BRWD3: variants seen among roughly 807,000 people sequenced by gnomAD.
The protein encoded by BRWD3 is bromodomain and WD repeat-containing protein 3.
BRWD3 carries 10 observed loss-of-function variants against 149.7 expected under a neutral mutation model. The ratio of observed to expected loss-of-function variants is 0.07; its 90% CI spans 0.04 to 0.11. The LOEUF (loss-of-function observed/expected upper bound fraction) is 0.11. Ranked by LOEUF, BRWD3 falls within the 10% of genes least tolerant of loss-of-function variation. The pLI is 1.00. For missense variants in BRWD3, 940 were observed against 1,373.2 expected (o/e 0.68, Z 4.99); for synonymous variants, 504 against 456.7 (o/e 1.10, Z -1.32).
At position 80,673,505 on chromosome X, in the gene BRWD3, A is replaced by G. The variant is rs2072339367; in HGVS notation, c.*3104T>C. 9.0e-6 allele frequency: 1 copy of G among 111,449 alleles called. No homozygotes were observed. Among genetic ancestry groups the G allele is most frequent in the Non-Finnish European group, 1.9e-5 (1 of 52,985 alleles). 9.2% of individuals were successfully genotyped at this position (111,449 alleles called of 1,213,427 possible). A position where few individuals can be genotyped will look rare whatever the true frequency, so the allele number is the denominator to read the frequency against. On this transcript the variant is annotated 3_prime_UTR_variant, in exon 41 of 41. Coordinates refer to ENST00000373275, the MANE Select transcript of BRWD3 (RefSeq NM_153252.5). ...TGTGTCAAGTTGGGGAAAAAACTTT[A>G]CACACATACAAGTGCACAAACACAC... is the stretch of plus-strand genomic sequence containing the variant.
intron 23 of BRWD3, 135 bp downstream of exon 23, chrX:80,704,542 GT>G: frequency 1.6e-6 from 1 of 637,058 alleles, no homozygotes; most frequent in Non-Finnish European, 2.3e-6. Context: ...ACATTTTGAA[GT>G]CAAACTACTT....
chrX:80,734,714 GA>G (rs368052420), intron 10 of BRWD3, among the ~76,000 whole-genome samples: 4,935 of 100,726 alleles, frequency 0.049, 119 homozygotes, highest in South Asian at 0.16. Context: ...TCAAAAAAAG[GA>G]AAAAAAAAAA....
chrX:80,749,264 T>C (rs1437491543), intron 6 of BRWD3, among the ~76,000 whole-genome samples: 1 of 111,508 alleles, frequency 9.0e-6, no homozygotes, highest in Admixed American at 9.5e-5. Context: ...ATGTTGAAAG[T>C]GAGGTATTGA....
chrX:80,762,815 G>T (rs2147814781), intron 6 of BRWD3, among the ~76,000 whole-genome samples: 1 of 111,336 alleles, frequency 9.0e-6, no homozygotes, highest in African/African-American at 3.3e-5. Context: ...AGAATTAAAT[G>T]AGGTGAATTT....
rs143816515 is a variant in BRWD3 at position 80,781,885 on chromosome X, T to C, written c.430+9969A>G. ...ATACAAAAAAAGGAAAGATATTCCA[T>C]ATTCATGAATTATAAGAATCATTAT... On this transcript the variant is annotated intron_variant, in intron 6 of 40. Transcript: ENST00000373275. 6.9e-4 allele frequency among the ~76,000 whole-genome samples: 77 copies of C among 112,011 alleles called. No homozygotes were observed. The East Asian group carries it at 0.02, about 30-fold the overall frequency.
At chrX:80,766,617 T>A (rs937302803) in intron 6 of BRWD3, among the ~76,000 whole-genome samples, 2 of 112,172 alleles carry the variant, frequency 1.8e-5, no homozygotes, top group Non-Finnish European at 3.8e-5. Flanking sequence ...CAGCCACTCT[T>A]AAAACACAAA....
chrX:80,779,749 G>T (rs908565869), intron 6 of BRWD3, among the ~76,000 whole-genome samples: 8 of 111,593 alleles, frequency 7.2e-5, no homozygotes, highest in African/African-American at 2.6e-4. Context: ...AATTACAAAG[G>T]TATAGAATTA....
intron 22 of BRWD3, among the ~76,000 whole-genome samples, chrX:80,705,203 T>C (rs1468364651): frequency 9.1e-6 from 1 of 109,824 alleles, no homozygotes; most frequent in Non-Finnish European, 1.9e-5. Flanking sequence ...GAGGCAGAGG[T>C]TGCAGTGAGC....
intron 6 of BRWD3, among the ~76,000 whole-genome samples, chrX:80,749,252 C>T (rs1364836938): frequency 1.8e-5 from 2 of 111,153 alleles, no homozygotes; most frequent in African/African-American, 3.3e-5. Flanking sequence ...ATAATCTGTC[C>T]GATGTTGAAA....
rs2147664671 is a variant in BRWD3 at position 80,674,747 on chromosome X, T to C, written c.*1862A>G. The C allele has an allele frequency of 8.9e-6, 1 of 111,753 alleles. No homozygotes were observed. The highest frequency in any genetic ancestry group is 3.2e-5 in the African/African-American group (1 of 30,871). 9.2% of individuals were successfully genotyped at this position (111,753 alleles called of 1,213,427 possible). On this transcript the variant is annotated 3_prime_UTR_variant, in exon 41 of 41. Transcript: ENST00000373275. ...GTCTAGTAACAGAAGTTAGTGCCAT[T>C]AACAATTCACAATACTTTCTCTTAA...
chrX:80,699,356 AAC>A (rs779038443), intron 25 of BRWD3, among the ~76,000 whole-genome samples: 1 of 111,908 alleles, frequency 8.9e-6, no homozygotes, highest in Admixed American at 9.5e-5. Context: ...ACCAAAATGA[AAC>A]ACACATAAAC....
intron 27 of BRWD3, among the ~76,000 whole-genome samples, chrX:80,693,481 T>C (rs2072639588): frequency 8.9e-6 from 1 of 112,049 alleles, no homozygotes; most frequent in African/African-American, 3.2e-5. Flanking sequence ...TGTAGGAAAG[T>C]CTGGAACTTC....
At chrX:80,755,857 C>T (rs2073730589) in intron 6 of BRWD3, among the ~76,000 whole-genome samples, 1 of 110,897 alleles carries the variant, frequency 9.0e-6, no homozygotes. Flanking sequence ...ATGTAAAATA[C>T]AAAATTATGT....
intron 5 of BRWD3, among the ~76,000 whole-genome samples, chrX:80,792,348 A>T (rs1408556798): frequency 8.9e-6 from 1 of 112,303 alleles, no homozygotes; most frequent in African/African-American, 3.2e-5. Flanking sequence ...GCCAGGGAAA[A>T]TTCAGGCATA....
chrX:80,734,989 T>C, intron 10 of BRWD3, 138 bp downstream of exon 10: 1 of 526,047 alleles, frequency 1.9e-6, no homozygotes, highest in Non-Finnish European at 3.2e-6. Flanking sequence ...AAAGAGTTTA[T>C]CTATCATAAC....
intron 8 of BRWD3, among the ~76,000 whole-genome samples, chrX:80,740,887 TA>T (rs1388847239): frequency 3.6e-5 from 4 of 111,118 alleles, no homozygotes; most frequent in African/African-American, 1.3e-4. Context: ...GGTATGCCAA[TA>T]TTCAAGTTAG....
intron 40 of BRWD3, among the ~76,000 whole-genome samples, chrX:80,678,039 G>A (rs972883423): frequency 2.7e-5 from 3 of 111,095 alleles, no homozygotes; most frequent in East Asian, 5.6e-4. Context: ...GAGTGCCAGT[G>A]GAGAGTTTTA....
At chrX:80,771,370 C>A (rs1178248411) in intron 6 of BRWD3, among the ~76,000 whole-genome samples, 1 of 111,606 alleles carries the variant, frequency 9.0e-6, no homozygotes, top group Non-Finnish European at 1.9e-5. Context: ...GCTACAATAA[C>A]CAGAACAGCA....
chrX:80,714,950 G>A (rs2073054109), intron 20 of BRWD3, among the ~76,000 whole-genome samples: 2 of 112,070 alleles, frequency 1.8e-5, no homozygotes, highest in South Asian at 7.4e-4. Flanking sequence ...AAAATTTGAA[G>A]TGAAAACTAT....
Sources: allele counts gnomAD v4.1 joint callset (sites outside exome capture counted in the v4.1 genomes callset), GRCh38; gene constraint gnomAD v4.1.1; transcripts MANE v1.5; gene names NCBI Gene and HGNC (gene_info 2026-07-23, HGNC 2026-07-21).